The following PLAG1 variants were observed in gnomAD, a reference collection of about 807,000 sequenced individuals.
The protein encoded by PLAG1 is PLAG1 zinc finger.
PLAG1 carries 7 observed loss-of-function variants against 35.5 expected under a neutral mutation model. The observed-to-expected ratio is 0.20, with a 90% CI of 0.11 to 0.37. The LOEUF is 0.37. PLAG1 is among the 10% of genes least tolerant of loss of function. PLAG1 has a pLI of 1.00. For missense variants in PLAG1, 454 were observed against 602.8 expected (o/e 0.75, Z 2.58); for synonymous variants, 229 against 225.4 (o/e 1.02, Z -0.14).
At chr8:56,172,349 T>C (rs1170134030) in intron 2 of PLAG1, among the ~76,000 whole-genome samples, 1 of 152,124 alleles carries the variant, frequency 6.6e-6, no homozygotes, top group Non-Finnish European at 1.5e-5. Flanking sequence ...ATAAAGGTAT[T>C]TTAAACATTA....
intron 1 of PLAG1, among the ~76,000 whole-genome samples, chr8:56,184,603 A>G (rs1811966406): frequency 6.6e-6 from 1 of 152,168 alleles, no homozygotes. Flanking sequence ...GTGTGAATGG[A>G]TAAAATCAGG....
chr8:56,166,396 A>C lies in PLAG1; in HGVS notation c.1350T>G (p.His450Gln). ...LGMSYSQEEA[H>Q]SSVSQLPPQT... ...GTGGGGGGAGCTGGGAAACAGAAGA[A>C]TGTGCTTCTTCCTGGGAATAGCTCA... The change falls in exon 5 of 5, where the codon CAT (histidine) becomes CAG (glutamine). Residue 450 changes from histidine (H) to glutamine (Q), a missense_variant. This residue lies in a region of PLAG1 where 271 missense variants were observed against 315.6 expected (regional missense o/e 0.86). Transcript: ENST00000316981. 6.2e-7 allele frequency: 1 copy of C among 1,613,858 alleles called. No homozygotes were observed. Among genetic ancestry groups the C allele is most frequent in the African/African-American group, 1.3e-5 (1 of 75,014 alleles).
chr8:56,191,179 G>A (rs1812170839), intron 1 of PLAG1, among the ~76,000 whole-genome samples: 1 of 152,160 alleles, frequency 6.6e-6, no homozygotes, highest in African/African-American at 2.4e-5. Context: ...ATCTGGAAAA[G>A]GCAGGAGGAG....
intron 1 of PLAG1, among the ~76,000 whole-genome samples, chr8:56,198,927 T>C (rs1389731607): frequency 6.6e-6 from 1 of 152,156 alleles, no homozygotes; most frequent in East Asian, 1.9e-4. Context: ...GGCAGGCACT[T>C]TGTAAAATTT....
chr8:56,208,810 G>A (rs993217140), intron 1 of PLAG1, among the ~76,000 whole-genome samples: 2 of 152,112 alleles, frequency 1.3e-5, no homozygotes, highest in East Asian at 3.8e-4. Flanking sequence ...AGTAGTTTAT[G>A]GTCAGTAAAC....
At chr8:56,171,424 T>C (rs1188259873) in intron 2 of PLAG1, 1 of 152,250 alleles carries the variant, frequency 6.6e-6, no homozygotes, top group African/African-American at 2.4e-5. Context: ...CAATTTGTGA[T>C]GCTGAATGAC....
At chr8:56,199,516 T>C (rs1171860190) in intron 1 of PLAG1, among the ~76,000 whole-genome samples, 1 of 152,108 alleles carries the variant, frequency 6.6e-6, no homozygotes, top group Non-Finnish European at 1.5e-5. Context: ...CAAAGGTGTA[T>C]TTTATTTTTT....
chr8:56,199,424 A>C (rs1412825675), intron 1 of PLAG1, among the ~76,000 whole-genome samples: 3 of 151,914 alleles, frequency 2.0e-5, no homozygotes, highest in Non-Finnish European at 4.4e-5. Context: ...GGGGAGATGA[A>C]AGAAACAGCA....
At position 56,161,996 on chromosome 8, in the gene PLAG1, T is replaced by G; in HGVS notation, c.*4247A>C. On this transcript the variant is annotated 3_prime_UTR_variant, in exon 5 of 5. Coordinates refer to ENST00000316981, the MANE Select transcript of PLAG1 (RefSeq NM_002655.3). The stretch of plus-strand genomic sequence containing the variant: ...GGTTGACAACATCATAGAAAGGCCC[T>G]AAGTGCAATCTGAGTGTGCCTTCAC... 4.4e-6 allele frequency: 1 copy of G among 227,024 alleles called. No homozygotes were observed. 14.1% of individuals were successfully genotyped at this position (227,024 alleles called of 1,614,324 possible).
At chr8:56,208,403 A>G (rs1812757426) in intron 1 of PLAG1, among the ~76,000 whole-genome samples, 1 of 152,128 alleles carries the variant, frequency 6.6e-6, no homozygotes, top group Non-Finnish European at 1.5e-5. Context: ...GAAAGTTGTA[A>G]TTGCTTCCAA....
At chr8:56,184,505 T>C (rs56933685) in intron 1 of PLAG1, among the ~76,000 whole-genome samples, 8,811 of 152,304 alleles carry the variant, frequency 0.058, 843 homozygotes, top group African/African-American at 0.2. Context: ...TCTGAAAACA[T>C]AGGTCTTCAC....
chr8:56,167,951 A>G lies in PLAG1; in HGVS notation c.242+77T>C, dbSNP rs1811408692. On this transcript the variant is annotated intron_variant, in intron 4 of 4. Transcript: ENST00000316981. This position sits in a 1 kb window ranked among gnomAD's most constrained non-coding sequence, Gnocchi z 5.9. ...AAATTAGCTGAAAAATGTGTATACA[A>G]ATACATACGTTTACAATGGCTTCAA... 1.3e-6 allele frequency: 1 copy of G among 795,538 alleles called. No individual in the cohort carries two copies. The highest frequency in any genetic ancestry group is 1.7e-5 in the African/African-American group (1 of 57,978). 49.3% of individuals were successfully genotyped at this position (795,538 alleles called of 1,614,324 possible).
intron 1 of PLAG1, among the ~76,000 whole-genome samples, chr8:56,185,263 C>T (rs779023320): frequency 6.6e-6 from 1 of 151,984 alleles, no homozygotes; most frequent in Non-Finnish European, 1.5e-5. Context: ...TTAGAAATGA[C>T]GGATATGCTC....
intron 1 of PLAG1, among the ~76,000 whole-genome samples, chr8:56,204,525 G>T (rs1180320446): frequency 6.6e-6 from 1 of 151,782 alleles, no homozygotes; most frequent in Non-Finnish European, 1.5e-5. Flanking sequence ...AGCCAAAGGG[G>T]CTAAATTCCT....
intron 1 of PLAG1, among the ~76,000 whole-genome samples, chr8:56,208,019 G>A (rs1057453344): frequency 6.6e-6 from 1 of 152,114 alleles, no homozygotes; most frequent in Non-Finnish European, 1.5e-5. Context: ...ACCAGTCATA[G>A]TGTCCAAACA....
intron 1 of PLAG1, among the ~76,000 whole-genome samples, chr8:56,195,404 C>T (rs1812329717): frequency 6.6e-6 from 1 of 152,204 alleles, no homozygotes; most frequent in Admixed American, 6.5e-5. Context: ...TGCAGTCAGA[C>T]AGCACTATTA....
intron 1 of PLAG1, among the ~76,000 whole-genome samples, chr8:56,194,768 G>A (rs1052745316): frequency 1.8e-4 from 28 of 152,122 alleles, no homozygotes; most frequent in African/African-American, 6.8e-4. Flanking sequence ...AGAAAGACGT[G>A]AAGGCCTGTA....
intron 1 of PLAG1, among the ~76,000 whole-genome samples, chr8:56,199,682 C>T (rs2129233812): frequency 6.6e-6 from 1 of 152,188 alleles, no homozygotes; most frequent in East Asian, 1.9e-4. Context: ...GCCCAGCCTC[C>T]CCAGCTAGAC....
chr8:56,181,819 AAAC>A (rs1811872672), intron 1 of PLAG1, among the ~76,000 whole-genome samples: 1 of 152,260 alleles, frequency 6.6e-6, no homozygotes, highest in African/African-American at 2.4e-5. Flanking sequence ...CAACATTTAA[AAAC>A]AATATTATAT....
Sources: gnomAD v4.1 joint callset for allele counts (sites outside exome capture counted in the v4.1 genomes callset) on GRCh38, gnomAD v4.1.1 for gene constraint, gnomAD v4.1.1 regional missense constraint, Gnocchi (gnomAD v3.1) non-coding constraint, MANE v1.5 for transcripts, NCBI Gene and HGNC (gene_info 2026-07-23, HGNC 2026-07-21) for gene names.